ANKRD26: variants seen among roughly 807,000 people sequenced by gnomAD.
ANKRD26 encodes ankyrin repeat domain 26.
A neutral mutation model predicts 208.7 loss-of-function variants in ANKRD26; 141 were observed. That is an observed-to-expected ratio of 0.68 (90% CI 0.59 to 0.78). The LOEUF is 0.78. Among genes scored for constraint, ANKRD26 ranks in the 30% least tolerant of loss-of-function variants. The probability of loss-of-function intolerance (pLI) is 0.00; values close to 1 mark genes in which losing one functional copy is unlikely to be tolerated. For synonymous variants in ANKRD26, 636 were observed against 660.4 expected (o/e 0.96, Z 0.57); for missense variants, 1,889 against 1,938.7 (o/e 0.97, Z 0.48).
intron 33 of ANKRD26, 111 bp downstream of exon 33, chr10:27,006,806 A>T (rs2052901421): frequency 1.2e-6 from 1 of 815,140 alleles, no homozygotes. Context: ...AGAACATTTA[A>T]TGTAGTATCT....
the ANKRD26 span, among the ~76,000 whole-genome samples, chr10:26,951,989 T>C: frequency 2.0e-5 from 3 of 150,016 alleles, no homozygotes; most frequent in African/African-American, 4.8e-5. Context: ...TATTCTTCTT[T>C]ATCTCTGTTT....
At chr10:27,089,026 A>G (rs1564431473) in intron 4 of ANKRD26, among the ~76,000 whole-genome samples, 1 of 152,214 alleles carries the variant, frequency 6.6e-6, no homozygotes, top group Non-Finnish European at 1.5e-5. Flanking sequence ...TGGGCATATA[A>G]ACACTTGTAT....
intron 4 of ANKRD26, 28 bp from the exon 5 acceptor site, chr10:27,086,637 A>G: frequency 6.3e-7 from 1 of 1,583,518 alleles, no homozygotes; most frequent in Non-Finnish European, 8.6e-7. Context: ...TAACAAAATT[A>G]TGTTAATACT....
In ANKRD26 at chr10:27,017,579, G is replaced by C. The variant is rs569348833; in HGVS notation, c.4429C>G (p.Gln1477Glu). 1 of 1,613,580 alleles carries C rather than the reference G, an allele frequency of 6.2e-7. No homozygotes were observed. The highest frequency in any genetic ancestry group is 1.3e-5 in the African/African-American group (1 of 74,992). The part of the protein sequence containing the change: ...RNMVELGQVK[Q>E]YKQEIEERAR... ...CTTTCTTCAATCTCCTGTTTATACT[G>C]TTTGACTTGACCAAGTTCTACCATA... The change falls in exon 30 of 34, where the codon CAG becomes GAG. Residue 1477 changes from glutamine to glutamate, a missense_variant. Physicochemically the swap from Gln to Glu is conservative, Grantham distance 29. Coordinates refer to ENST00000376087, the MANE Select transcript of ANKRD26 (RefSeq NM_014915.3).
chr10:27,072,761 T>C (rs1451400083), intron 9 of ANKRD26, among the ~76,000 whole-genome samples: 1 of 152,220 alleles, frequency 6.6e-6, no homozygotes, highest in Non-Finnish European at 1.5e-5. Flanking sequence ...ACTGCCTGCA[T>C]CTTTCTGGCT....
At chr10:26,993,878 T>C (rs991168203) in intron 5 of ANKRD26, among the ~76,000 whole-genome samples, 10 of 152,128 alleles carry the variant, frequency 6.6e-5, no homozygotes, top group South Asian at 2.1e-4. Context: ...CCTGAGCCCA[T>C]TGTAGAAACA....
At chr10:27,008,248 T>C (rs2052962276) in intron 32 of ANKRD26, among the ~76,000 whole-genome samples, 1 of 151,940 alleles carries the variant, frequency 6.6e-6, no homozygotes, top group Non-Finnish European at 1.5e-5. Flanking sequence ...AAATGTTAGG[T>C]ATGAAGATTA....
In ANKRD26 at chr10:27,004,535, G is replaced by A. The variant is rs185897893; in HGVS notation, c.*1055C>T. 1 of 152,276 alleles carries A rather than the reference G, an allele frequency of 6.6e-6. No individual in the cohort carries two copies. Among genetic ancestry groups the A allele is most frequent in the African/African-American group, 2.4e-5 (1 of 41,564 alleles). 9.4% of individuals were successfully genotyped at this position (152,276 alleles called of 1,614,324 possible). A position where few individuals can be genotyped will look rare whatever the true frequency, so the allele number is the denominator to read the frequency against. Reference sequence around the variant, plus strand: ...AGAAATTCAGCAGATACCACTGTTAGTGATCAATGCTAACATTACCAGTAA... The same window carrying A: ...AGAAATTCAGCAGATACCACTGTTAATGATCAATGCTAACATTACCAGTAA... On this transcript the variant is annotated 3_prime_UTR_variant, in exon 34 of 34. Transcript: ENST00000376087.
rs560715960 is a variant in ANKRD26 at position 27,066,568 on chromosome 10, G to A, written c.1208-20C>T. 13 of 1,527,288 alleles carry A rather than the reference G, an allele frequency of 8.5e-6. No individual in the cohort carries two copies. The South Asian group carries it at 1.4e-4, about 16-fold the overall frequency. The allele number at this position is 1,527,288 out of a possible 1,614,324, so 94.6% of individuals were successfully genotyped here. ...TCATATCTATCAAATGTGATACACA[G>A]ATATATTCATGAGAACATTTACTAT... On this transcript the variant is annotated intron_variant, in intron 10 of 33. Transcript: ENST00000376087.
chr10:26,969,813 T>A (rs1270465053), downstream of ANKRD26, among the ~76,000 whole-genome samples: 1 of 115,566 alleles, frequency 8.7e-6, no homozygotes, highest in East Asian at 4.5e-4. Flanking sequence ...TACTTTCTGT[T>A]TTTTTTTTTT....
chr10:27,072,212 T>G (rs1188941773), intron 9 of ANKRD26, among the ~76,000 whole-genome samples: 2 of 152,210 alleles, frequency 1.3e-5, no homozygotes, highest in African/African-American at 4.8e-5. Context: ...AAGCACAAGC[T>G]GACTGGAATC....
At chr10:27,023,576 A>G (rs2135048220) in intron 28 of ANKRD26, among the ~76,000 whole-genome samples, 1 of 152,314 alleles carries the variant, frequency 6.6e-6, no homozygotes, top group South Asian at 2.1e-4. Flanking sequence ...AAGAAAGGAA[A>G]TGAGCAGAGA....
At chr10:27,036,299 C>T (rs1396759834) in intron 23 of ANKRD26, among the ~76,000 whole-genome samples, 1 of 151,488 alleles carries the variant, frequency 6.6e-6, no homozygotes, top group Admixed American at 6.6e-5. Context: ...AGCACTTCTA[C>T]ATATATCAAT....
downstream of ANKRD26, among the ~76,000 whole-genome samples, chr10:26,970,774 C>T (rs1324543883): frequency 6.6e-6 from 1 of 152,218 alleles, no homozygotes; most frequent in Admixed American, 6.5e-5. Flanking sequence ...TCCGTATACA[C>T]TCTCGCCCGT....
chr10:26,958,073 T>TTATATATA, the ANKRD26 span, among the ~76,000 whole-genome samples: 3,838 of 144,118 alleles, frequency 0.027, 69 homozygotes, highest in Admixed American at 0.036. Context: ...TCACCCAGTT[T>TTATATATA]TATATATATA....
At chr10:27,003,677 T>C (rs555120231), downstream of ANKRD26, among the ~76,000 whole-genome samples, 10 of 152,330 alleles carry the variant, frequency 6.6e-5, no homozygotes, top group African/African-American at 1.9e-4. Flanking sequence ...AGATGCTGCA[T>C]TGCAGAGAAC....
chr10:27,084,557 T>C (rs1485617993), intron 5 of ANKRD26, among the ~76,000 whole-genome samples: 1 of 152,212 alleles, frequency 6.6e-6, no homozygotes, highest in Admixed American at 6.5e-5. Context: ...GGTAGCATAG[T>C]AGCATTTTTG....
chr10:27,083,363 T>C (rs1293107891), intron 5 of ANKRD26, among the ~76,000 whole-genome samples: 1 of 149,538 alleles, frequency 6.7e-6, no homozygotes, highest in East Asian at 2.1e-4. Flanking sequence ...ATTTCTTAAA[T>C]GAAAAAAAAA....
chr10:27,043,558 G>A lies in ANKRD26; in HGVS notation c.2029C>T (p.Gln677Ter). The stretch of plus-strand genomic sequence containing the variant: ...TCAACATCATCCATAGACTGTATTT[G>A]GTTTTTGACCTATGAAATAAATAAC... ...TSNEKNKVKN[Q>*]IQSMDDVDDL... Residue 677 changes from glutamine (Q) to a stop codon, truncating the protein, a stop_gained, in exon 20 of 34, where the codon CAA (glutamine) becomes TAA (stop). Transcript: ENST00000376087. LOFTEE classifies it high-confidence loss of function. 1 of 1,613,318 alleles carries A rather than the reference G, an allele frequency of 6.2e-7. No individual in the cohort carries two copies. The highest frequency in any genetic ancestry group is 8.5e-7 in the Non-Finnish European group (1 of 1,179,516).
Sources: gnomAD v4.1 joint callset for allele counts (sites outside exome capture counted in the v4.1 genomes callset) on GRCh38, gnomAD v4.1.1 for gene constraint, MANE v1.5 for transcripts, NCBI Gene and HGNC (gene_info 2026-07-23, HGNC 2026-07-21) for gene names.